CPLANE1: variants seen among roughly 807,000 people sequenced by gnomAD.
The protein encoded by CPLANE1 is ciliogenesis and planar polarity effector complex subunit 1.
CPLANE1 carries 263 observed loss-of-function variants against 362.5 expected under a neutral mutation model. That is an observed-to-expected ratio of 0.73 (90% CI 0.66 to 0.80). The LOEUF (loss-of-function observed/expected upper bound fraction) is 0.80. Ranked by LOEUF, CPLANE1 falls within the 30% of genes least tolerant of loss-of-function variation. The probability of loss-of-function intolerance (pLI) is 0.00; values close to 1 mark genes in which losing one functional copy is unlikely to be tolerated. For missense variants in CPLANE1, 3,461 were observed against 3,793.4 expected (o/e 0.91, Z 2.30); for synonymous variants, 1,212 against 1,302.6 (o/e 0.93, Z 1.50).
chr5:37,220,318 G>A (rs747770590), intron 15 of CPLANE1, among the ~76,000 whole-genome samples: 1 of 151,506 alleles, frequency 6.6e-6, no homozygotes, highest in Non-Finnish European at 1.5e-5. Context: ...GAATGAAATT[G>A]CTATCAACTC....
Position 37,213,586 on chromosome 5 carries a change from C to T in CPLANE1, c.2893G>A (p.Val965Ile). The part of the protein sequence containing the change: ...LCILPPHHVN[V>I]LPPLHIKTEQ... ...GTTTTAATATGAAGTGGGGGAAGAA[C>T]ATTCACATGATGAGGGGGCAAAATG... Residue 965 changes from valine to isoleucine, a missense_variant, in exon 16 of 53, where the codon GTT (valine) becomes ATT (isoleucine). Coordinates refer to ENST00000651892, the MANE Select transcript of CPLANE1 (RefSeq NM_001384732.1). 6.5e-7 allele frequency: 1 copy of T among 1,544,520 alleles called. No individual in the cohort carries two copies. Among genetic ancestry groups the T allele is most frequent in the Admixed American group, 2.0e-5 (1 of 50,382 alleles).
chr5:37,220,983 C>T (rs893888302), intron 15 of CPLANE1, among the ~76,000 whole-genome samples: 1 of 152,160 alleles, frequency 6.6e-6, no homozygotes, highest in African/African-American at 2.4e-5. Flanking sequence ...GCTCAGCAGG[C>T]AATTACTATA....
rs1169140135 is a variant in CPLANE1 at position 37,226,693 on chromosome 5, A to C, written c.1902T>G (p.Leu634=). Residue 634 remains leucine, a synonymous_variant, in exon 12 of 53, where the codon CTT becomes CTG. Coordinates refer to ENST00000651892, the MANE Select transcript of CPLANE1 (RefSeq NM_001384732.1). ...SKSSRHNAWI[L]CIFQLFHQCL... is the part of the protein sequence containing the mutation. ...ACTGATGAAAAAGTTGAAAGATACAAAGTATCCATGCATTATGTCTTGAGC... is the reference window on the plus strand; with the variant it reads ...ACTGATGAAAAAGTTGAAAGATACACAGTATCCATGCATTATGTCTTGAGC... The C allele has an allele frequency of 1.0e-5, 16 of 1,550,940 alleles. No homozygotes were observed. The East Asian group carries it at 2.9e-4, about 28-fold the overall frequency.
In CPLANE1 at chr5:37,181,015, A is replaced by C; in HGVS notation, c.5422-10T>G. 6.2e-7 allele frequency: 1 copy of C among 1,609,992 alleles called. No individual in the cohort carries two copies. The highest frequency in any genetic ancestry group is 8.5e-7 in the Non-Finnish European group (1 of 1,177,924). ...CACGATTCTCTACCATCTAAAGCAA[A>C]CCATTTAAAGTATTTAGTATTTATT... On this transcript the variant is annotated splice_polypyrimidine_tract_variant and intron_variant, in intron 26 of 52. Transcript: ENST00000651892.
At chr5:37,121,050 G>A (rs977919166) in intron 49 of CPLANE1, among the ~76,000 whole-genome samples, 2 of 152,182 alleles carry the variant, frequency 1.3e-5, no homozygotes, top group African/African-American at 4.8e-5. Flanking sequence ...CATGTTTGTT[G>A]ACCATATATA....
At chr5:37,193,241 T>C (rs16903529) in intron 21 of CPLANE1, among the ~76,000 whole-genome samples, 2,508 of 152,332 alleles carry the variant, frequency 0.016, 79 homozygotes, top group African/African-American at 0.058. Context: ...ATTGTACTTA[T>C]GATGTACTCA....
At position 37,132,337 on chromosome 5, in the gene CPLANE1, G is replaced by GTTTTTTT. The variant is rs70976278; in HGVS notation, c.8792+6376_8792+6382dup. ...GTTCTTTGCTTATTCGATTGTTCAA[G>GTTTTTTT]TTTTTTTTTTTTTTTTTTTTTTTTT... On this transcript the variant is annotated intron_variant, in intron 46 of 52. Transcript: ENST00000651892. Among the ~76,000 whole-genome samples the GTTTTTTT allele has an allele frequency of 1.3e-4, 10 of 77,776 alleles. 1 individual carries two copies. The highest frequency in any genetic ancestry group is 4.4e-4 in the South Asian group (1 of 2,254). The allele number at this position is 77,776 out of a possible 152,430, so 51.0% of individuals were successfully genotyped here. A position where few individuals can be genotyped will look rare whatever the true frequency, so the allele number is the denominator to read the frequency against.
In CPLANE1 at chr5:37,226,999, A is replaced by T; in HGVS notation, c.1596T>A (p.Asp532Glu). ...DNLCPFWNKRDDVLCSSMKEG... is the reference protein window; with the variant it reads ...DNLCPFWNKREDVLCSSMKEG... ...CCTTCATACTACTACACAGCACATC[A>T]TCTCTTTTGTTCCAAAAAGGACATA... The change falls in exon 12 of 53, where the codon GAT (aspartate) becomes GAA (glutamate). Residue 532 changes from aspartate to glutamate, a missense_variant. Asp to Glu is a conservative substitution (Grantham distance 45). Around this residue, in one of 2 missense-constraint regions of CPLANE1, gnomAD observed 3,380 missense variants for 3,666.1 expected, o/e 0.92. Coordinates refer to ENST00000651892, the MANE Select transcript of CPLANE1 (RefSeq NM_001384732.1). The T allele has an allele frequency of 6.4e-7, 1 of 1,551,078 alleles. No homozygotes were observed. Among genetic ancestry groups the T allele is most frequent in the East Asian group, 2.4e-5 (1 of 40,870 alleles).
In CPLANE1 at chr5:37,182,826, A is replaced by G; in HGVS notation, c.5355T>C (p.Leu1785=). 1 of 1,613,688 alleles carries G rather than the reference A, an allele frequency of 6.2e-7. No homozygotes were observed. The highest frequency in any genetic ancestry group is 8.5e-7 in the Non-Finnish European group (1 of 1,179,880). ...GTTGTTCCAAAAGCCATAATGATGT[A>G]AGAATGGCAGCTGTAGAGGTCTTTA... The part of the protein sequence containing the change: ...IRVKTSTAAI[L]TSLWLLEQPY... The change falls in exon 26 of 53, where the codon CTT becomes CTC. Residue 1785 remains leucine (L), a synonymous_variant. Transcript: ENST00000651892.
rs774492992 is a variant in CPLANE1 at position 37,183,700 on chromosome 5, C to T, written c.4482-1G>A. 1 of 1,544,668 alleles carries T rather than the reference C, an allele frequency of 6.5e-7. No homozygotes were observed. On this transcript the variant is annotated splice_acceptor_variant, in intron 25 of 52. Transcript: ENST00000651892. LOFTEE classifies it high-confidence loss of function. ...TAATTCCATGTGATTTGGGGCATTT[C>T]TATAGCAAAAAAATAAAATAAGACA...
intron 1 of CPLANE1, 51 bp from the exon 2 acceptor site, chr5:37,247,796 G>T: frequency 7.7e-7 from 1 of 1,290,932 alleles, no homozygotes; most frequent in Non-Finnish European, 1.0e-6. Flanking sequence ...TATTCACTGG[G>T]CATTTTTTTT....
intron 46 of CPLANE1, among the ~76,000 whole-genome samples, chr5:37,134,056 G>A (rs1766787995): frequency 1.3e-5 from 2 of 152,142 alleles, no homozygotes; most frequent in Non-Finnish European, 2.9e-5. Context: ...TTTTGTTGAA[G>A]ATTTTTTACT....
intron 18 of CPLANE1, among the ~76,000 whole-genome samples, chr5:37,202,392 A>C (rs1488028214): frequency 5.3e-5 from 8 of 152,132 alleles, no homozygotes; most frequent in Admixed American, 5.2e-4. Flanking sequence ...TCCTGATCTC[A>C]GGTGATCCAC....
At chr5:37,086,479 G>C in the CPLANE1 span, among the ~76,000 whole-genome samples, 1 of 152,214 alleles carries the variant, frequency 6.6e-6, no homozygotes, top group South Asian at 2.1e-4. Context: ...CTTCAAGATA[G>C]AGTTATGGCT....
At chr5:37,237,492 A>G (rs1334736649) in intron 8 of CPLANE1, among the ~76,000 whole-genome samples, 1 of 152,212 alleles carries the variant, frequency 6.6e-6, no homozygotes, top group Non-Finnish European at 1.5e-5. Context: ...GTTGGGTACA[A>G]TGTTCACTAT....
chr5:37,157,707 A>G lies in CPLANE1; in HGVS notation c.7974T>C (p.Val2658=). 1 of 1,613,982 alleles carries G rather than the reference A, an allele frequency of 6.2e-7. No homozygotes were observed. The highest frequency in any genetic ancestry group is 1.1e-5 in the South Asian group (1 of 91,054). The change falls in exon 40 of 53, where the codon GTT becomes GTC. Residue 2658 remains valine, a synonymous_variant. Transcript: ENST00000651892. ...SAELHYMAAS[V]TNAVPPHNFK... is the part of the protein sequence containing the mutation. ...AATTATGTGGGGGAACAGCATTAGT[A>G]ACTGAAGCTGCCATATAATGTAACT...
intron 2 of CPLANE1, among the ~76,000 whole-genome samples, chr5:37,247,329 A>G (rs1014069261): frequency 2.6e-5 from 4 of 152,242 alleles, no homozygotes; most frequent in African/African-American, 9.6e-5. Context: ...GATATATGCC[A>G]TCTCAACTTA....
chr5:37,144,609 T>C (rs1027721276), intron 43 of CPLANE1, among the ~76,000 whole-genome samples: 2 of 151,814 alleles, frequency 1.3e-5, no homozygotes, highest in Admixed American at 6.6e-5. Flanking sequence ...CCCAGCACTT[T>C]GGGAGGCCGA....
At position 37,108,410 on chromosome 5, in the gene CPLANE1, T is replaced by C. The variant is rs761753640; in HGVS notation, c.9462A>G (p.Ala3154=). The part of the protein sequence containing the change: ...HTKKHGSAGL[A]PQTKQVCVEY... The stretch of plus-strand genomic sequence containing the variant: ...CTACACACACCTGCTTGGTTTGAGG[T>C]GCAAGCCCAGCACTTCCATGTTTTT... The change falls in exon 52 of 53, where the codon GCA becomes GCG. Residue 3154 remains alanine, a synonymous_variant. Coordinates refer to ENST00000651892, the MANE Select transcript of CPLANE1 (RefSeq NM_001384732.1). 1 of 1,614,202 alleles carries C rather than the reference T, an allele frequency of 6.2e-7. No homozygotes were observed. Among genetic ancestry groups the C allele is most frequent in the South Asian group, 1.1e-5 (1 of 91,090 alleles).
Sources: allele counts gnomAD v4.1 joint callset (sites outside exome capture counted in the v4.1 genomes callset), GRCh38; gene constraint gnomAD v4.1.1; regional missense constraint gnomAD v4.1.1; transcripts MANE v1.5; gene names NCBI Gene and HGNC (gene_info 2026-07-23, HGNC 2026-07-21).